GTF2A1L: variants seen among roughly 807,000 people sequenced by gnomAD.
GTF2A1L encodes general transcription factor IIA subunit 1 like, also known as TFIIA-alpha and beta-like factor.
Under a neutral mutation model 49.7 loss-of-function variants are expected in GTF2A1L, and 48 were observed. The ratio of observed to expected loss-of-function variants is 0.97; its 90% CI spans 0.77 to 1.23. GTF2A1L has a LOEUF of 1.23. Among genes scored for constraint, GTF2A1L ranks in the 50% most tolerant of loss-of-function variants. The pLI is 0.00. For missense variants in GTF2A1L, 736 were observed against 564.8 expected, an observed-to-expected ratio of 1.30 and a Z score of -3.07; for synonymous variants, 246 against 193.5, an observed-to-expected ratio of 1.27 and a Z score of -2.25.
At chr2:48,635,647 G>A (rs1223594538) in intron 3 of GTF2A1L, among the ~76,000 whole-genome samples, 1 of 152,058 alleles carries the variant, frequency 6.6e-6, no homozygotes. Context: ...CTACTTCTGA[G>A]GTGCTTTCCA....
chr2:48,634,890 G>C (rs951720384), intron 3 of GTF2A1L, among the ~76,000 whole-genome samples: 1 of 152,190 alleles, frequency 6.6e-6, no homozygotes, highest in Non-Finnish European at 1.5e-5. Context: ...AGTGGGGCCA[G>C]ATTGGGCACA....
rs774218687 is a variant in GTF2A1L, at chr2:48,679,433, A to G, written c.1428A>G (p.Ala476=). ...DYVFAKAIGD[A]EW ...TATTTGCAAAAGCCATTGGTGATGC[A>G]GAGTGGTAAACCTTGTGAGCTCAGT... Residue 476 remains alanine (A), a synonymous_variant, in exon 9 of 9, where the codon GCA becomes GCG. Transcript: ENST00000403751. 4 of 1,612,360 alleles carry G rather than the reference A, an allele frequency of 2.5e-6. No homozygotes were observed. Among genetic ancestry groups the G allele is most frequent in the Admixed American group, 1.7e-5 (1 of 59,832 alleles).
At chr2:48,653,295 T>C (rs1677974494) in intron 6 of GTF2A1L, among the ~76,000 whole-genome samples, 1 of 152,060 alleles carries the variant, frequency 6.6e-6, no homozygotes, top group African/African-American at 2.4e-5. Flanking sequence ...AATTCATCTT[T>C]TAAAAGGTAG....
intron 3 of GTF2A1L, among the ~76,000 whole-genome samples, chr2:48,628,655 T>C (rs1676419377): frequency 6.9e-6 from 1 of 144,292 alleles, no homozygotes; most frequent in African/African-American, 2.5e-5. Context: ...TTTTCTACCA[T>C]CCTGTAGGTT....
intron 8 of GTF2A1L, among the ~76,000 whole-genome samples, chr2:48,673,099 A>G (rs1162572007): frequency 6.6e-6 from 1 of 152,208 alleles, no homozygotes; most frequent in Non-Finnish European, 1.5e-5. Flanking sequence ...TTCAAGAGTC[A>G]TCCATGTTGT....
chr2:48,633,443 G>C (rs1206632428), intron 3 of GTF2A1L: 1 of 152,672 alleles, frequency 6.5e-6, no homozygotes, highest in Non-Finnish European at 1.5e-5. Flanking sequence ...AGCAGTGCTT[G>C]GTGGGTGGGA....
At chr2:48,624,747 A>G (rs1372459094) in intron 3 of GTF2A1L, among the ~76,000 whole-genome samples, 2 of 82,970 alleles carry the variant, frequency 2.4e-5, no homozygotes, top group East Asian at 3.0e-4. Flanking sequence ...TTTATTCTCT[A>G]TGTCTGTATT....
At chr2:48,665,286 CTTTT>C (rs34095285) in intron 6 of GTF2A1L, among the ~76,000 whole-genome samples, 1 of 130,078 alleles carries the variant, frequency 7.7e-6, no homozygotes, top group Non-Finnish European at 1.6e-5. Flanking sequence ...TTCTCTCTCT[CTTTT>C]TTTTTTTTTT....
chr2:48,650,954 T>A (rs971261619), intron 6 of GTF2A1L, among the ~76,000 whole-genome samples: 8 of 152,220 alleles, frequency 5.3e-5, no homozygotes, highest in Non-Finnish European at 1.0e-4. Flanking sequence ...AGGCTTATCT[T>A]GTTTTATATT....
At chr2:48,659,183 A>G (rs1336547881) in intron 6 of GTF2A1L, among the ~76,000 whole-genome samples, 2 of 152,120 alleles carry the variant, frequency 1.3e-5, no homozygotes, top group African/African-American at 2.4e-5. Context: ...GATTTTGTAT[A>G]GTGTCTTGAA....
At chr2:48,637,032 G>C (rs962949766) in intron 3 of GTF2A1L, among the ~76,000 whole-genome samples, 1 of 152,188 alleles carries the variant, frequency 6.6e-6, no homozygotes, top group Non-Finnish European at 1.5e-5. Context: ...GGTGTAAACT[G>C]TATGTCCGAT....
chr2:48,679,489 T>C lies in GTF2A1L; in HGVS notation c.*47T>C. 6.3e-7 allele frequency: 1 copy of C among 1,599,506 alleles called. No individual in the cohort carries two copies. The highest frequency in any genetic ancestry group is 1.7e-4 in the Middle Eastern group (1 of 6,002). On this transcript the variant is annotated 3_prime_UTR_variant, in exon 9 of 9. Coordinates refer to ENST00000403751, the MANE Select transcript of GTF2A1L (RefSeq NM_006872.5). ...TATTTTGTGAACATCAGTTGGATTA[T>C]ATTGCATATTGTGAATTCATTTTTA...
rs138256074 is a variant in GTF2A1L at position 48,647,155 on chromosome 2, T to G, written c.978+113T>G. ...AATCAGAATTATATATATTTTGTTTTTTTCTTTAGAAGATTATTTCTTTTT... is the reference window on the plus strand; with the variant it reads ...AATCAGAATTATATATATTTTGTTTGTTTCTTTAGAAGATTATTTCTTTTT... On this transcript the variant is annotated intron_variant, in intron 6 of 8. Coordinates refer to ENST00000403751, the MANE Select transcript of GTF2A1L (RefSeq NM_006872.5). 415 of 1,025,712 alleles carry G rather than the reference T, an allele frequency of 4.0e-4. 1 individual carries two copies. The East Asian group carries it at 0.01, about 25-fold the overall frequency. The allele number at this position is 1,025,712 out of a possible 1,614,324, so 63.5% of individuals were successfully genotyped here.
At chr2:48,627,912 T>C (rs1159173294) in intron 3 of GTF2A1L, among the ~76,000 whole-genome samples, 1 of 143,686 alleles carries the variant, frequency 7.0e-6, no homozygotes, top group African/African-American at 2.5e-5. Context: ...TTTTCTCTTG[T>C]TGGCATCTTT....
At chr2:48,642,235 C>G (rs762903640) in intron 3 of GTF2A1L, among the ~76,000 whole-genome samples, 167 bp from the exon 4 acceptor site, 2 of 151,962 alleles carry the variant, frequency 1.3e-5, no homozygotes, top group African/African-American at 2.4e-5. Flanking sequence ...GAAGTTGTTG[C>G]AAAAAATATA....
chr2:48,623,148 G>C (rs1676105142), intron 3 of GTF2A1L, among the ~76,000 whole-genome samples: 1 of 151,934 alleles, frequency 6.6e-6, no homozygotes. Flanking sequence ...TTCATCTTTA[G>C]GTACCAAACA....
At chr2:48,662,226 C>T (rs1016371825) in intron 6 of GTF2A1L, among the ~76,000 whole-genome samples, 1 of 152,174 alleles carries the variant, frequency 6.6e-6, no homozygotes, top group African/African-American at 2.4e-5. Flanking sequence ...ATTTTATTTA[C>T]ACATTAACAT....
In GTF2A1L at chr2:48,642,290, A is replaced by G. The variant is rs34819690; in HGVS notation, c.248-112A>G. ...GGAATCAGGAAGTTTAGAATTCACC[A>G]TGGTTTAACCTGTTAGTGATAGAAA... is the stretch of plus-strand genomic sequence containing the variant. On this transcript the variant is annotated intron_variant, in intron 3 of 8. Transcript: ENST00000403751. 5,613 of 1,054,904 alleles carry G rather than the reference A, an allele frequency of 5.3e-3. 21 individuals are homozygous for G. Among genetic ancestry groups the G allele is most frequent in the Non-Finnish European group, 5.7e-3 (4,431 of 779,916 alleles). The allele number at this position is 1,054,904 out of a possible 1,614,324, so 65.3% of individuals were successfully genotyped here. A position where few individuals can be genotyped will look rare whatever the true frequency, so the allele number is the denominator to read the frequency against.
At chr2:48,626,900 A>G (rs1676324493) in intron 3 of GTF2A1L, among the ~76,000 whole-genome samples, 1 of 144,212 alleles carries the variant, frequency 6.9e-6, no homozygotes, top group African/African-American at 2.5e-5. Context: ...TTAAGATGCT[A>G]TTGTAAATGA....
Sources: allele counts gnomAD v4.1 joint callset (sites outside exome capture counted in the v4.1 genomes callset), GRCh38; gene constraint gnomAD v4.1.1; transcripts MANE v1.5; gene names NCBI Gene and HGNC (gene_info 2026-07-23, HGNC 2026-07-21).